The following ACOT7 variants were observed in gnomAD, a reference collection of about 807,000 sequenced individuals.
ACOT7 encodes the protein acyl-CoA thioesterase 7, also known as cytosolic acyl coenzyme A thioester hydrolase.
Under a neutral mutation model 40.2 loss-of-function variants are expected in ACOT7, and 12 were observed. That is an observed-to-expected ratio of 0.30 (90% CI 0.19 to 0.48). The LOEUF (loss-of-function observed/expected upper bound fraction) is 0.48, where lower values mean the gene tolerates loss of function less well. Among genes scored for constraint, ACOT7 ranks in the 20% least tolerant of loss-of-function variants. The pLI is 0.99. For synonymous variants in ACOT7, 228 were observed against 219.5 expected (o/e 1.04, Z -0.34); for missense variants, 395 against 530.8 (o/e 0.74, Z 2.51).
chr1:6,268,760 A>G (rs908115153), intron 8 of ACOT7, among the ~76,000 whole-genome samples: 2 of 152,260 alleles, frequency 1.3e-5, no homozygotes, highest in Non-Finnish European at 2.9e-5. Flanking sequence ...CACCTCTGCC[A>G]GCCACACGCA....
intron 5 of ACOT7, among the ~76,000 whole-genome samples, chr1:6,326,491 C>T (rs137995445): frequency 8.8e-4 from 134 of 152,358 alleles, no homozygotes; most frequent in African/African-American, 3.1e-3. Context: ...CACAGGGAAA[C>T]TGGGCATGCC....
intron 3 of ACOT7, among the ~76,000 whole-genome samples, chr1:6,337,158 G>T (rs1047327270): frequency 1.3e-5 from 2 of 152,232 alleles, no homozygotes; most frequent in Non-Finnish European, 2.9e-5. Context: ...GGGAGGAGGG[G>T]TGGGCATCTC....
intron 4 of ACOT7, among the ~76,000 whole-genome samples, chr1:6,332,067 G>C (rs1640970226): frequency 6.6e-6 from 1 of 152,244 alleles, no homozygotes; most frequent in Non-Finnish European, 1.5e-5. Context: ...GGGAACCAAG[G>C]CTGCCGGCAG....
chr1:6,387,851 CAA>C (rs1642463971), intron 1 of ACOT7, among the ~76,000 whole-genome samples: 1 of 152,148 alleles, frequency 6.6e-6, no homozygotes, highest in South Asian at 2.1e-4. Context: ...ATCCCAGCAG[CAA>C]GAGAGCCAGC....
chr1:6,355,486 G>A lies in ACOT7; in HGVS notation c.144-5620C>T, dbSNP rs1369363944. 2.0e-5 allele frequency among the ~76,000 whole-genome samples: 3 copies of A among 152,168 alleles called. No individual in the cohort carries two copies. The highest frequency in any genetic ancestry group is 4.4e-5 in the Non-Finnish European group (3 of 68,036). The stretch of plus-strand genomic sequence containing the variant: ...GAACCTTCTCAGAGACCAGCTGTCA[G>A]GTGAAAAACAGCAAGGCACAGAGCC... On this transcript the variant is annotated intron_variant, in intron 1 of 8. Coordinates refer to ENST00000361521, the MANE Select transcript of ACOT7 (RefSeq NM_007274.4). This position sits in a 1 kb window ranked among gnomAD's most constrained non-coding sequence, Gnocchi z 5.0.
chr1:6,342,571 G>A (rs936672235), intron 2 of ACOT7, among the ~76,000 whole-genome samples: 3 of 152,162 alleles, frequency 2.0e-5, no homozygotes, highest in East Asian at 1.9e-4. Context: ...GGGCTCAAGC[G>A]ATCCTCCAGC....
intron 2 of ACOT7, among the ~76,000 whole-genome samples, chr1:6,339,832 C>A (rs995132249): frequency 6.6e-6 from 1 of 151,168 alleles, no homozygotes; most frequent in Non-Finnish European, 1.5e-5. Context: ...CTCAGCCTCC[C>A]GGGTTCACGA....
intron 5 of ACOT7, among the ~76,000 whole-genome samples, chr1:6,325,099 AT>A (rs1640760864): frequency 6.6e-6 from 1 of 152,170 alleles, no homozygotes; most frequent in South Asian, 2.1e-4. Flanking sequence ...TTTAAATTTT[AT>A]TTTTAAAAGA....
At chr1:6,317,980 C>T (rs1374216390) in intron 6 of ACOT7, among the ~76,000 whole-genome samples, 2 of 152,210 alleles carry the variant, frequency 1.3e-5, no homozygotes, top group East Asian at 1.9e-4. Flanking sequence ...GATCCAGCCA[C>T]CTCGGCCTCC....
intron 7 of ACOT7, among the ~76,000 whole-genome samples, chr1:6,293,945 G>T (rs1433418921): frequency 1.3e-5 from 2 of 152,240 alleles, no homozygotes; most frequent in Non-Finnish European, 2.9e-5. Context: ...GCTACCCGGG[G>T]CCTGGGAGTC....
At chr1:6,379,145 C>T (rs1176517995) in intron 1 of ACOT7, among the ~76,000 whole-genome samples, 3 of 151,920 alleles carry the variant, frequency 2.0e-5, no homozygotes, top group Admixed American at 2.0e-4. Context: ...CCGCCCACCT[C>T]GGTCTCCCAA....
rs371959553 is a variant in ACOT7, at chr1:6,297,001, G to C, written c.713-2021C>G. 1.4e-4 allele frequency among the ~76,000 whole-genome samples: 21 copies of C among 152,156 alleles called. No homozygotes were observed. The East Asian group carries it at 3.3e-3, about 24-fold the overall frequency. On this transcript the variant is annotated intron_variant, in intron 6 of 8. Coordinates refer to ENST00000361521, the MANE Select transcript of ACOT7 (RefSeq NM_007274.4). ...ATATTAACCAACTTAATACCTATTAGAAATTTTAGAAAGTTATGTACATTC... is the reference window on the plus strand; with the variant it reads ...ATATTAACCAACTTAATACCTATTACAAATTTTAGAAAGTTATGTACATTC...
Position 6,306,295 on chromosome 1 carries a change from G to C in ACOT7, c.713-11315C>G. The C allele has an allele frequency of 1.0e-6, 1 of 985,272 alleles. No homozygotes were observed. Among genetic ancestry groups the C allele is most frequent in the Non-Finnish European group, 1.2e-6 (1 of 829,918 alleles). 61.0% of individuals were successfully genotyped at this position (985,272 alleles called of 1,614,324 possible). Reference sequence around the variant, plus strand: ...AAATACTCCATATTTCTGGAAAGGGGTCAGTGCCCCATGATTTGAGAGGGA... The same window carrying C: ...AAATACTCCATATTTCTGGAAAGGGCTCAGTGCCCCATGATTTGAGAGGGA... On this transcript the variant is annotated intron_variant, in intron 6 of 8. Coordinates refer to ENST00000361521, the MANE Select transcript of ACOT7 (RefSeq NM_007274.4). This position sits in a 1 kb window ranked among gnomAD's most constrained non-coding sequence, Gnocchi z 4.3.
chr1:6,339,954 T>A (rs556185523), intron 2 of ACOT7, among the ~76,000 whole-genome samples: 68 of 146,526 alleles, frequency 4.6e-4, no homozygotes, highest in Non-Finnish European at 9.4e-4. Context: ...TAATTTTTTG[T>A]TTTTTTGTTT....
At chr1:6,337,089 A>ATCC (rs1641126509) in intron 3 of ACOT7, among the ~76,000 whole-genome samples, 1 of 152,224 alleles carries the variant, frequency 6.6e-6, no homozygotes, top group Admixed American at 6.5e-5. Context: ...TGGCAAGCGT[A>ATCC]TCCTGCCTTC....
chr1:6,276,904 G>C (rs1223232123), intron 8 of ACOT7, among the ~76,000 whole-genome samples: 1 of 152,146 alleles, frequency 6.6e-6, no homozygotes, highest in African/African-American at 2.4e-5. Context: ...GGGATGGGCT[G>C]CCATTCCCTC....
intron 2 of ACOT7, among the ~76,000 whole-genome samples, chr1:6,347,043 G>C (rs74049534): frequency 0.011 from 1,731 of 152,280 alleles, 38 homozygotes; most frequent in African/African-American, 0.039. Flanking sequence ...GGCTGGCCAA[G>C]AGGCCCCAGC....
At chr1:6,270,309 G>A (rs577408871) in intron 8 of ACOT7, among the ~76,000 whole-genome samples, 11 of 152,332 alleles carry the variant, frequency 7.2e-5, no homozygotes, top group Admixed American at 7.2e-4. Context: ...GAGGGTTGGG[G>A]GTGGGTGGAG....
At chr1:6,387,668 A>T (rs919932044) in intron 1 of ACOT7, among the ~76,000 whole-genome samples, 1 of 152,166 alleles carries the variant, frequency 6.6e-6, no homozygotes, top group Non-Finnish European at 1.5e-5. Context: ...GGAGAAAGCC[A>T]CTTCTGGTCT....
Sources: allele counts gnomAD v4.1 joint callset (sites outside exome capture counted in the v4.1 genomes callset), GRCh38; gene constraint gnomAD v4.1.1; non-coding constraint Gnocchi (gnomAD v3.1); transcripts MANE v1.5; gene names NCBI Gene and HGNC (gene_info 2026-07-23, HGNC 2026-07-21).